CNTLN: variants seen among roughly 807,000 people sequenced by gnomAD.
CNTLN encodes the protein centlein, centrosomal protein.
Under a neutral mutation model 180.0 loss-of-function variants are expected in CNTLN, and 212 were observed. The observed-to-expected ratio is 1.18, with a 90% confidence interval of 1.05 to 1.32. CNTLN has a LOEUF of 1.32. Ranked by LOEUF, CNTLN falls within the 40% of genes most tolerant of loss-of-function variation. CNTLN has a pLI of 0.00. For synonymous variants in CNTLN, 722 were observed against 563.1 expected (o/e 1.28, Z -3.99); for missense variants, 2,095 against 1,610.9 (o/e 1.30, Z -5.14).
At chr9:17,450,277 G>T (rs1209225253) in intron 18 of CNTLN, among the ~76,000 whole-genome samples, 1 of 152,062 alleles carries the variant, frequency 6.6e-6, no homozygotes, top group Non-Finnish European at 1.5e-5. Flanking sequence ...CTGGAGCTGG[G>T]TTCATCTGTA....
chr9:17,348,534 T>TTC (rs1197108105), intron 12 of CNTLN, among the ~76,000 whole-genome samples: 7 of 129,330 alleles, frequency 5.4e-5, no homozygotes, highest in African/African-American at 2.6e-4. Flanking sequence ...CTTTCTTTCT[T>TTC]TTTTTTTTTT....
intron 2 of CNTLN, among the ~76,000 whole-genome samples, chr9:17,193,876 C>T (rs995693762): frequency 4.6e-5 from 7 of 152,208 alleles, no homozygotes; most frequent in East Asian, 1.9e-4. Context: ...CAGGTGTTTC[C>T]GTACATCTTC....
chr9:17,306,210 C>T (rs1818701872), intron 7 of CNTLN, among the ~76,000 whole-genome samples: 1 of 146,690 alleles, frequency 6.8e-6, no homozygotes, highest in Admixed American at 7.0e-5. Context: ...AGTGCAATGG[C>T]ACGATCTCAT....
intron 15 of CNTLN, among the ~76,000 whole-genome samples, chr9:17,398,095 C>T (rs971948251): frequency 2.6e-5 from 4 of 151,888 alleles, no homozygotes; most frequent in African/African-American, 4.8e-5. Flanking sequence ...ATTTATTTCC[C>T]ATAGTTGAAT....
intron 15 of CNTLN, among the ~76,000 whole-genome samples, chr9:17,408,128 C>CA (rs34374959): frequency 0.071 from 4,179 of 58,994 alleles, 935 homozygotes; most frequent in East Asian, 0.21. Flanking sequence ...GACTCTGTCT[C>CA]AAAAAAAAAA....
intron 5 of CNTLN, among the ~76,000 whole-genome samples, chr9:17,268,086 C>T (rs1827629330): frequency 6.6e-6 from 1 of 152,162 alleles, no homozygotes; most frequent in South Asian, 2.1e-4. Context: ...GTGAGGAGCT[C>T]TGTCCTTTGG....
intron 18 of CNTLN, among the ~76,000 whole-genome samples, chr9:17,426,932 A>G (rs1170273956): frequency 6.6e-6 from 1 of 152,152 alleles, no homozygotes; most frequent in Non-Finnish European, 1.5e-5. Context: ...TCAGATTTCA[A>G]CCCACATGAG....
At chr9:17,380,972 G>T (rs1464251574) in intron 13 of CNTLN, among the ~76,000 whole-genome samples, 1 of 152,146 alleles carries the variant, frequency 6.6e-6, no homozygotes, top group African/African-American at 2.4e-5. Flanking sequence ...GCCTATGTTT[G>T]GAACTGGCAC....
intron 5 of CNTLN, among the ~76,000 whole-genome samples, chr9:17,250,021 A>G (rs543268533): frequency 6.6e-6 from 1 of 151,042 alleles, no homozygotes; most frequent in South Asian, 2.1e-4. Context: ...TTCTCTGTCA[A>G]TTCTTTAATT....
At chr9:17,200,993 T>C (rs1046191493) in intron 2 of CNTLN, among the ~76,000 whole-genome samples, 10 of 152,226 alleles carry the variant, frequency 6.6e-5, no homozygotes, top group South Asian at 4.1e-4. Flanking sequence ...CTTGTTATTT[T>C]GCGATACGTT....
intron 6 of CNTLN, among the ~76,000 whole-genome samples, chr9:17,277,360 GT>G (rs796272389): frequency 1.3e-3 from 198 of 152,124 alleles, no homozygotes; most frequent in African/African-American, 4.7e-3. Context: ...CATAATTTTG[GT>G]TCAGAAAATC....
In CNTLN at chr9:17,394,894, G is replaced by A; in HGVS notation, c.2440G>A (p.Val814Met). The change falls in exon 15 of 26, where the codon GTG (valine) becomes ATG (methionine). Residue 814 changes from valine (V) to methionine (M), a missense_variant. Coordinates refer to ENST00000380647, the MANE Select transcript of CNTLN (RefSeq NM_017738.4). ...RAKSEMATMK[V>M]RSGRYDCKTT... ...TAAATCCGAGATGGCCACCATGAAA[G>A]TGAGATCTGGACGATATGATTGTAA... is the stretch of plus-strand genomic sequence containing the variant. 1 of 1,614,088 alleles carries A rather than the reference G, an allele frequency of 6.2e-7. No homozygotes were observed. The highest frequency in any genetic ancestry group is 1.1e-5 in the South Asian group (1 of 91,078).
chr9:17,312,368 A>AT (rs1405117120), intron 8 of CNTLN, among the ~76,000 whole-genome samples: 103 of 9,276 alleles, frequency 0.011, no homozygotes, highest in African/African-American at 0.019. Flanking sequence ...TATATATTAT[A>AT]TATATATATA....
chr9:17,250,316 T>A (rs774611271), intron 5 of CNTLN, among the ~76,000 whole-genome samples: 5 of 152,050 alleles, frequency 3.3e-5, no homozygotes, highest in Non-Finnish European at 7.4e-5. Flanking sequence ...TTATGTTTTA[T>A]GCCAATCTCT....
At chr9:17,183,961 A>C (rs1052745931) in intron 2 of CNTLN, among the ~76,000 whole-genome samples, 1 of 152,126 alleles carries the variant, frequency 6.6e-6, no homozygotes, top group East Asian at 1.9e-4. Context: ...CTTAAGAACC[A>C]GTCAAGTGTA....
intron 25 of CNTLN, among the ~76,000 whole-genome samples, chr9:17,487,777 A>AT (rs1175763975): frequency 1.3e-5 from 2 of 151,972 alleles, no homozygotes; most frequent in South Asian, 2.1e-4. Context: ...CCTTTCAAGT[A>AT]TTTTTTTAAT....
Position 17,409,398 on chromosome 9 carries a change from T to G in CNTLN, c.2721T>G (p.Asp907Glu). ...ATGGAAAAGACCAGAAAGAAAGTGA[T>G]CCAACAGAAGACAGCCAAACACAAG... Reference protein sequence around the residue: ...TEDGKDQKESDPTEDSQTQGK... With the variant: ...TEDGKDQKESEPTEDSQTQGK... The change falls in exon 16 of 26, where the codon GAT becomes GAG. Residue 907 changes from aspartate to glutamate, a missense_variant. By Grantham distance (45) the Asp-to-Glu change is conservative (BLOSUM62 2). Coordinates refer to ENST00000380647, the MANE Select transcript of CNTLN (RefSeq NM_017738.4). The G allele has an allele frequency of 6.2e-7, 1 of 1,613,428 alleles. No individual in the cohort carries two copies. The highest frequency in any genetic ancestry group is 1.1e-5 in the South Asian group (1 of 91,052).
intron 12 of CNTLN, among the ~76,000 whole-genome samples, chr9:17,364,300 A>G (rs7862223): frequency 6.6e-6 from 1 of 151,960 alleles, no homozygotes; most frequent in East Asian, 1.9e-4. Context: ...GTATACCTCT[A>G]CTGTTTTCCT....
intron 6 of CNTLN, among the ~76,000 whole-genome samples, chr9:17,297,923 G>C (rs1587560459): frequency 6.6e-6 from 1 of 152,092 alleles, no homozygotes. Context: ...GTTGTACTAT[G>C]TATATCCATG....
Sources: gnomAD v4.1 joint callset for allele counts (sites outside exome capture counted in the v4.1 genomes callset) on GRCh38, gnomAD v4.1.1 for gene constraint, MANE v1.5 for transcripts, NCBI Gene and HGNC (gene_info 2026-07-23, HGNC 2026-07-21) for gene names.